DENND4A: variants seen among roughly 807,000 people sequenced by gnomAD.
The protein encoded by DENND4A is C-myc promoter-binding protein.
In DENND4A, 70 loss-of-function variants were observed where a neutral mutation model predicts 199.3. The observed-to-expected ratio is 0.35, with a 90% CI of 0.29 to 0.43. The LOEUF is 0.43. DENND4A is among the 20% of genes least tolerant of loss of function. The pLI is 1.00. For missense variants in DENND4A, 1,723 were observed against 2,255.8 expected, an observed-to-expected ratio of 0.76 and a Z score of 4.78; for synonymous variants, 686 against 766.9, an observed-to-expected ratio of 0.89 and a Z score of 1.74.
chr15:65,715,985 A>C (rs2140259643), intron 13 of DENND4A, among the ~76,000 whole-genome samples: 1 of 152,138 alleles, frequency 6.6e-6, no homozygotes, highest in Middle Eastern at 3.4e-3. Context: ...ATATATATAA[A>C]TGGCTTTCTC....
intron 4 of DENND4A, among the ~76,000 whole-genome samples, chr15:65,746,097 T>C (rs2076381409): frequency 6.7e-6 from 1 of 148,234 alleles, no homozygotes; most frequent in African/African-American, 2.5e-5. Flanking sequence ...GCAGAGATCA[T>C]ACCATCGCAC....
chr15:65,787,279 C>T (rs925115299), intron 1 of DENND4A, among the ~76,000 whole-genome samples: 1 of 152,116 alleles, frequency 6.6e-6, no homozygotes, highest in African/African-American at 2.4e-5. Context: ...TACACTTTAA[C>T]ATACATATGG....
chr15:65,760,618 G>A (rs1490017804), intron 2 of DENND4A, among the ~76,000 whole-genome samples: 1 of 152,184 alleles, frequency 6.6e-6, no homozygotes, highest in Non-Finnish European at 1.5e-5. Context: ...GCCGGGCAGA[G>A]TGGCTCATGC....
chr15:65,789,894 G>A (rs1275500587), intron 1 of DENND4A, among the ~76,000 whole-genome samples: 1 of 152,064 alleles, frequency 6.6e-6, no homozygotes, highest in Admixed American at 6.6e-5. Flanking sequence ...GGTAGCTCAC[G>A]CCTGTAATCT....
chr15:65,720,947 T>TTTTATATATATA (rs1435137020), intron 12 of DENND4A, among the ~76,000 whole-genome samples: 5 of 76,264 alleles, frequency 6.6e-5, no homozygotes, highest in African/African-American at 2.6e-4. Flanking sequence ...GTTTCATTGA[T>TTTTATATATATA]TATATATATA....
intron 24 of DENND4A, among the ~76,000 whole-genome samples, chr15:65,673,314 C>T (rs2076273755): frequency 6.6e-6 from 1 of 151,396 alleles, no homozygotes; most frequent in African/African-American, 2.4e-5. Flanking sequence ...ACAAAAAATA[C>T]AAAAAAAGTA....
chr15:65,784,186 A>C (rs1200240595), intron 1 of DENND4A, among the ~76,000 whole-genome samples: 4 of 152,128 alleles, frequency 2.6e-5, no homozygotes, highest in Non-Finnish European at 5.9e-5. Flanking sequence ...TCCCTGACCA[A>C]TACTCCTCAA....
chr15:65,719,835 C>A (rs1192553235), intron 12 of DENND4A, among the ~76,000 whole-genome samples: 1 of 151,896 alleles, frequency 6.6e-6, no homozygotes, highest in Non-Finnish European at 1.5e-5. Context: ...CTTGTGGCTG[C>A]CATAAACCGT....
At chr15:65,696,270 A>C in intron 22 of DENND4A, 96 bp downstream of exon 22, 2 of 1,438,634 alleles carry the variant, frequency 1.4e-6, no homozygotes, top group Non-Finnish European at 1.9e-6. Context: ...TTTTAAAATC[A>C]CCTTGGAGAA....
chr15:65,729,358 T>C (rs2075895278), intron 10 of DENND4A, 111 bp from the exon 11 acceptor site: 1 of 1,381,962 alleles, frequency 7.2e-7, no homozygotes, highest in South Asian at 1.3e-5. Flanking sequence ...TAATGCCTGA[T>C]AATGAATGAA....
intron 1 of DENND4A, among the ~76,000 whole-genome samples, chr15:65,772,437 G>A (rs973387235): frequency 3.9e-5 from 6 of 152,004 alleles, no homozygotes; most frequent in South Asian, 2.1e-4. Flanking sequence ...GGCCAGGCAC[G>A]GTGGCTCACA....
chr15:65,668,207 T>C (rs2076103818), intron 27 of DENND4A, 84 bp from the exon 28 acceptor site: 2 of 857,268 alleles, frequency 2.3e-6, no homozygotes, highest in Non-Finnish European at 3.4e-6. Context: ...TCTCTCTCTC[T>C]CTCTTTTTTT....
chr15:65,757,262 TGGG>T lies in DENND4A; in HGVS notation c.-22-793_-22-791del, dbSNP rs71139431. The stretch of plus-strand genomic sequence containing the variant: ...TTTATTTTGTTTTATTCTTCTGAGA[TGGG>T]GGGGGGGGGGTCTCACTATGTTGCC... On this transcript the variant is annotated intron_variant, in intron 2 of 32. Transcript: ENST00000443035. Among the ~76,000 whole-genome samples the T allele has an allele frequency of 1.1e-3, 113 of 102,880 alleles. 1 individual carries two copies. Among genetic ancestry groups the T allele is most frequent in the African/African-American group, 3.7e-3 (105 of 28,140 alleles). 67.5% of individuals were successfully genotyped at this position (102,880 alleles called of 152,430 possible). A position where few individuals can be genotyped will look rare whatever the true frequency, so the allele number is the denominator to read the frequency against.
intron 23 of DENND4A, among the ~76,000 whole-genome samples, chr15:65,683,328 G>A (rs569648977): frequency 2.4e-4 from 37 of 152,208 alleles, no homozygotes; most frequent in African/African-American, 8.2e-4. Context: ...TCTTTTTAAA[G>A]AATCAGCTTT....
At chr15:65,740,620 C>T (rs1205293128) in intron 5 of DENND4A, among the ~76,000 whole-genome samples, 1 of 148,978 alleles carries the variant, frequency 6.7e-6, no homozygotes, top group African/African-American at 2.5e-5. Context: ...CAGAGCAAAA[C>T]CTTGTCTTTA....
intron 21 of DENND4A, chr15:65,696,889 A>G: frequency 3.0e-6 from 1 of 330,176 alleles, no homozygotes; most frequent in Non-Finnish European, 5.9e-6. Flanking sequence ...CACATCTCAC[A>G]AACATGGATG....
intron 23 of DENND4A, among the ~76,000 whole-genome samples, chr15:65,685,417 C>A (rs956208626): frequency 6.6e-6 from 1 of 152,228 alleles, no homozygotes; most frequent in Non-Finnish European, 1.5e-5. Flanking sequence ...TGAGCCACCG[C>A]CAGCCCACAA....
chr15:65,767,210 G>C (rs2077010210), intron 1 of DENND4A: 1 of 152,308 alleles, frequency 6.6e-6, no homozygotes, highest in East Asian at 1.9e-4. Flanking sequence ...TTTAGAGCTA[G>C]GAAGGTCCTT....
Position 65,691,417 on chromosome 15 carries a change from AC to A in DENND4A, c.3176del (p.Ser1059MetfsTer25). On this transcript the variant is annotated frameshift_variant, in exon 23 of 33. Transcript: ENST00000443035. LOFTEE classifies it high-confidence loss of function. ...QSRCFRKRHKSDNETNLQQQV... is the reference protein window; with the variant it reads ...QSRCFRKRHKXDNETNLQQQV... ...GCTGCTGCAAATTAGTTTCATTGTC[AC>A]TTTTATGTCTTTTCCTGAAGCATCT... 6.2e-7 allele frequency: 1 copy of A among 1,613,494 alleles called. No individual in the cohort carries two copies. Among genetic ancestry groups the A allele is most frequent in the Non-Finnish European group, 8.5e-7 (1 of 1,179,690 alleles).
Sources: gnomAD v4.1 joint callset for allele counts (sites outside exome capture counted in the v4.1 genomes callset) on GRCh38, gnomAD v4.1.1 for gene constraint, MANE v1.5 for transcripts, NCBI Gene and HGNC (gene_info 2026-07-23, HGNC 2026-07-21) for gene names.